Variants in INPP4A observed in about 807,000 individuals in gnomAD.
INPP4A encodes the protein inositol polyphosphate-4-phosphatase, type I, 107kD.
INPP4A carries 33 observed loss-of-function variants against 119.8 expected under a neutral mutation model. The observed-to-expected ratio is 0.28, with a 90% CI of 0.21 to 0.37. INPP4A has a LOEUF of 0.37. Among genes scored for constraint, INPP4A ranks in the 10% least tolerant of loss-of-function variants. INPP4A has a pLI of 1.00. For missense variants in INPP4A, 956 were observed against 1,289.9 expected, an observed-to-expected ratio of 0.74 and a Z score of 3.97; for synonymous variants, 496 against 500.7, an observed-to-expected ratio of 0.99 and a Z score of 0.12.
chr2:98,540,846 A>T (rs1456462671), intron 10 of INPP4A, among the ~76,000 whole-genome samples: 1 of 152,216 alleles, frequency 6.6e-6, no homozygotes, highest in Admixed American at 6.5e-5. Flanking sequence ...TTCAGGATGA[A>T]GTTTCTAACA....
At chr2:98,578,507 G>A (rs776668329) in intron 24 of INPP4A, among the ~76,000 whole-genome samples, 9 of 152,184 alleles carry the variant, frequency 5.9e-5, no homozygotes, top group Non-Finnish European at 7.3e-5. Context: ...CAAGTTCAAC[G>A]GAAACAATTC....
intron 1 of INPP4A, among the ~76,000 whole-genome samples, chr2:98,486,899 C>T (rs1007163436): frequency 6.6e-6 from 1 of 152,176 alleles, no homozygotes. Context: ...CACAAATGTG[C>T]AGTGATTGGC....
intron 1 of INPP4A, among the ~76,000 whole-genome samples, chr2:98,467,946 C>T (rs1040720406): frequency 2.6e-5 from 4 of 152,152 alleles, no homozygotes; most frequent in African/African-American, 9.7e-5. Context: ...ATGAAATGTT[C>T]TCTGGGTTCC....
Position 98,535,352 on chromosome 2 carries a change from A to G in INPP4A, c.271-377A>G, listed in dbSNP as rs146060922. ...TCTTAAAGGAATAACTCAAAGTAGTAGGTTTACATACACATTACACTTTAA... is the reference window on the plus strand; with the variant it reads ...TCTTAAAGGAATAACTCAAAGTAGTGGGTTTACATACACATTACACTTTAA... On this transcript the variant is annotated intron_variant, in intron 5 of 24. Transcript: ENST00000409851. Among the ~76,000 whole-genome samples the G allele has an allele frequency of 1.6e-3, 244 of 152,378 alleles. 1 individual carries two copies. Among genetic ancestry groups the G allele is most frequent in the African/African-American group, 5.7e-3 (236 of 41,584 alleles).
rs920178038 is a variant in INPP4A at position 98,585,178 on chromosome 2, C to T, written c.2787-2298C>T. Reference sequence around the variant, plus strand: ...CTTGATTCCAGCAGAGATTTTAACACAATGACCTGTTTTCCCTCCACAAAG... The same window carrying T: ...CTTGATTCCAGCAGAGATTTTAACATAATGACCTGTTTTCCCTCCACAAAG... On this transcript the variant is annotated intron_variant, in intron 24 of 24. Coordinates refer to ENST00000409851, the MANE Select transcript of INPP4A (RefSeq NM_001134225.2). 3.9e-5 allele frequency among the ~76,000 whole-genome samples: 6 copies of T among 152,164 alleles called. No individual in the cohort carries two copies. The East Asian group carries it at 1.2e-3, about 29-fold the overall frequency.
chr2:98,579,489 T>TAC (rs1698958685), intron 24 of INPP4A, among the ~76,000 whole-genome samples: 1 of 152,282 alleles, frequency 6.6e-6, no homozygotes, highest in African/African-American at 2.4e-5. Context: ...TTAAAAAGTA[T>TAC]ACACCTTTGT....
At chr2:98,535,292 A>G (rs142761027) in intron 5 of INPP4A, among the ~76,000 whole-genome samples, 1 of 152,372 alleles carries the variant, frequency 6.6e-6, no homozygotes, top group Non-Finnish European at 1.5e-5. Flanking sequence ...CACTTAAGCC[A>G]TTCATTTTCT....
Position 98,566,054 on chromosome 2 carries a change from C to A in INPP4A, c.2305C>A (p.Leu769Met). The change falls in exon 21 of 25, where the codon CTG becomes ATG. Residue 769 changes from leucine (L) to methionine (M), a missense_variant. Around this residue, in one of 2 missense-constraint regions of INPP4A, gnomAD observed 304 missense variants for 492.1 expected, o/e 0.62. Coordinates refer to ENST00000409851, the MANE Select transcript of INPP4A (RefSeq NM_001134225.2). This position sits in a 1 kb window ranked among gnomAD's most constrained non-coding sequence, Gnocchi z 4.2. ...NRDGFNVRVP[L>M]PGPLFDALPR... ...CGACGGGTTTAACGTGCGGGTCCCT[C>A]TGCCGGGCCCGCTGTTTGACGCCTT... The A allele has an allele frequency of 1.2e-6, 2 of 1,605,642 alleles. No individual in the cohort carries two copies. The highest frequency in any genetic ancestry group is 2.2e-5 in the South Asian group (2 of 89,378).
intron 21 of INPP4A, among the ~76,000 whole-genome samples, chr2:98,567,908 T>C (rs1696764572): frequency 6.6e-6 from 1 of 152,076 alleles, no homozygotes; most frequent in Non-Finnish European, 1.5e-5. Flanking sequence ...AAGCTGATGC[T>C]CGGAAGGCCC....
chr2:98,563,971 G>A (rs1695980160), intron 18 of INPP4A, among the ~76,000 whole-genome samples: 1 of 149,174 alleles, frequency 6.7e-6, no homozygotes, highest in Admixed American at 6.7e-5. Flanking sequence ...CAGAGGTTGA[G>A]TGAGGGCAAC....
At chr2:98,578,496 A>G (rs916486086) in intron 24 of INPP4A, among the ~76,000 whole-genome samples, 1 of 152,216 alleles carries the variant, frequency 6.6e-6, no homozygotes, top group Non-Finnish European at 1.5e-5. Context: ...GGGCTCTCGA[A>G]CAAGTTCAAC....
intron 1 of INPP4A, among the ~76,000 whole-genome samples, chr2:98,459,074 G>A (rs1273340868): frequency 2.6e-5 from 4 of 152,256 alleles, no homozygotes; most frequent in African/African-American, 4.8e-5. Flanking sequence ...ATGACACCAA[G>A]TCAGGATTGC....
chr2:98,471,172 G>GTGCC (rs1356311304), intron 1 of INPP4A, among the ~76,000 whole-genome samples: 1 of 152,184 alleles, frequency 6.6e-6, no homozygotes, highest in African/African-American at 2.4e-5. Context: ...TGTATGTGGT[G>GTGCC]TGCCTGTGCG....
At chr2:98,577,241 A>C (rs1698575392) in intron 24 of INPP4A, 98 bp downstream of exon 24, 1 of 1,295,194 alleles carries the variant, frequency 7.7e-7, no homozygotes, top group Non-Finnish European at 1.0e-6. Flanking sequence ...CCTACCCTGC[A>C]TGAGCCCCTT....
At chr2:98,474,978 A>T (rs1305290465) in intron 1 of INPP4A, among the ~76,000 whole-genome samples, 5 of 152,138 alleles carry the variant, frequency 3.3e-5, no homozygotes. Context: ...ACAAGGGTGT[A>T]CACTGTATCA....
At chr2:98,450,396 A>G (rs1695019739) in intron 1 of INPP4A, among the ~76,000 whole-genome samples, 1 of 152,246 alleles carries the variant, frequency 6.6e-6, no homozygotes, top group Non-Finnish European at 1.5e-5. Context: ...ATTTTGGTTT[A>G]TAAATCAGGA....
At chr2:98,497,415 C>G in intron 1 of INPP4A, among the ~76,000 whole-genome samples, 1 of 152,174 alleles carries the variant, frequency 6.6e-6, no homozygotes, top group East Asian at 1.9e-4. Context: ...GGACCACTGT[C>G]CTCCAGAGCC....
intron 10 of INPP4A, among the ~76,000 whole-genome samples, chr2:98,541,689 A>T (rs1244678158): frequency 2.0e-5 from 3 of 152,172 alleles, no homozygotes; most frequent in Non-Finnish European, 4.4e-5. Flanking sequence ...TCAAGCCATC[A>T]TCCTCTTACC....
At chr2:98,557,779 G>A (rs1182993985) in intron 16 of INPP4A, among the ~76,000 whole-genome samples, 1 of 152,236 alleles carries the variant, frequency 6.6e-6, no homozygotes, top group East Asian at 1.9e-4. Flanking sequence ...CCACTGACAA[G>A]TCCCTGCCAG....
Sources: allele counts gnomAD v4.1 joint callset (sites outside exome capture counted in the v4.1 genomes callset), GRCh38; gene constraint gnomAD v4.1.1; regional missense constraint gnomAD v4.1.1; non-coding constraint Gnocchi (gnomAD v3.1); transcripts MANE v1.5; gene names NCBI Gene and HGNC (gene_info 2026-07-23, HGNC 2026-07-21).